Variants in SH3PXD2A observed in about 807,000 individuals in gnomAD.
The protein encoded by SH3PXD2A is SH3 and PX domain-containing protein 2A.
In SH3PXD2A, 32 loss-of-function variants were observed where a neutral mutation model predicts 115.2. The observed-to-expected ratio is 0.28, with a 90% CI of 0.21 to 0.37. SH3PXD2A has a LOEUF of 0.37. SH3PXD2A is among the 10% of genes least tolerant of loss of function. The pLI is 1.00. For missense variants in SH3PXD2A, 1,328 were observed against 1,498.7 expected, an observed-to-expected ratio of 0.89 and a Z score of 1.88; for synonymous variants, 610 against 629.1, an observed-to-expected ratio of 0.97 and a Z score of 0.45.
intron 8 of SH3PXD2A, among the ~76,000 whole-genome samples, chr10:103,633,721 C>A: frequency 1.2e-5 from 1 of 80,542 alleles, no homozygotes. Flanking sequence ...GAGCAAGATT[C>A]TGTCTCAAAA....
chr10:103,767,086 A>T lies in SH3PXD2A; in HGVS notation c.229+8T>A. 1 of 1,611,562 alleles carries T rather than the reference A, an allele frequency of 6.2e-7. No homozygotes were observed. Among genetic ancestry groups the T allele is most frequent in the Non-Finnish European group, 8.5e-7 (1 of 1,177,872 alleles). ...CCCCATCCCTGGGTGGAGCCACCCA[A>T]TGCTTACCTGGGAGGAAGGGGATGA... On this transcript the variant is annotated splice_region_variant and intron_variant, in intron 3 of 14. Coordinates refer to ENST00000369774, the MANE Select transcript of SH3PXD2A (RefSeq NM_001394015.1).
chr10:103,732,719 T>C (rs916562412), intron 4 of SH3PXD2A, among the ~76,000 whole-genome samples: 1 of 152,174 alleles, frequency 6.6e-6, no homozygotes, highest in African/African-American at 2.4e-5. Flanking sequence ...TGAGCCCACA[T>C]TGTCTAGCAG....
At chr10:103,697,877 C>T (rs2134137845) in intron 5 of SH3PXD2A, among the ~76,000 whole-genome samples, 1 of 152,224 alleles carries the variant, frequency 6.6e-6, no homozygotes, top group East Asian at 1.9e-4. Flanking sequence ...TGACACATGG[C>T]TCCCCACACT....
At chr10:103,755,599 G>C (rs2038631192) in intron 3 of SH3PXD2A, among the ~76,000 whole-genome samples, 1 of 152,152 alleles carries the variant, frequency 6.6e-6, no homozygotes, top group African/African-American at 2.4e-5. Flanking sequence ...GGTTTGTCTG[G>C]CTGTAAGTCC....
intron 3 of SH3PXD2A, among the ~76,000 whole-genome samples, chr10:103,737,213 G>A (rs143531589): frequency 6.6e-6 from 1 of 152,176 alleles, no homozygotes; most frequent in African/African-American, 2.4e-5. Flanking sequence ...CCTAAACCAG[G>A]GTCCACCTGG....
At position 103,784,760 on chromosome 10, in the gene SH3PXD2A, G is replaced by A. The variant is rs1361205483; in HGVS notation, c.153+16522C>T. On this transcript the variant is annotated intron_variant, in intron 2 of 14. Coordinates refer to ENST00000369774, the MANE Select transcript of SH3PXD2A (RefSeq NM_001394015.1). This position sits in a 1 kb window ranked among gnomAD's most constrained non-coding sequence, Gnocchi z 4.4. ...GAAAGGGGAGGAGGAGGAGAAGTAAGAAGGAGGAAGGAAGGGGAGAAGGGG... is the reference window on the plus strand; with the variant it reads ...GAAAGGGGAGGAGGAGGAGAAGTAAAAAGGAGGAAGGAAGGGGAGAAGGGG... Among the ~76,000 whole-genome samples, 1 of 151,086 alleles carries A rather than the reference G, an allele frequency of 6.6e-6. No individual in the cohort carries two copies. Among genetic ancestry groups the A allele is most frequent in the Admixed American group, 6.6e-5 (1 of 15,136 alleles).
intron 8 of SH3PXD2A, among the ~76,000 whole-genome samples, chr10:103,630,515 G>A (rs912855182): frequency 3.9e-5 from 6 of 152,158 alleles, no homozygotes; most frequent in Admixed American, 2.6e-4. Context: ...AGGAGCAAAC[G>A]TGGGTGCTTT....
At chr10:103,677,868 G>A (rs2037559596) in intron 6 of SH3PXD2A, among the ~76,000 whole-genome samples, 1 of 152,098 alleles carries the variant, frequency 6.6e-6, no homozygotes, top group African/African-American at 2.4e-5. Flanking sequence ...CTGAGGCCCG[G>A]CTACCCCACT....
chr10:103,686,578 T>C (rs913617787), intron 6 of SH3PXD2A, among the ~76,000 whole-genome samples: 1 of 151,816 alleles, frequency 6.6e-6, no homozygotes, highest in Non-Finnish European at 1.5e-5. Context: ...ACAAAACCCC[T>C]CAAAGGGCAT....
At chr10:103,656,383 G>T (rs1408830089) in intron 8 of SH3PXD2A, among the ~76,000 whole-genome samples, 1 of 152,260 alleles carries the variant, frequency 6.6e-6, no homozygotes, top group Non-Finnish European at 1.5e-5. Flanking sequence ...CAGAGAACCA[G>T]AGGTCAAACT....
intron 2 of SH3PXD2A, among the ~76,000 whole-genome samples, chr10:103,769,171 T>TGC (rs1347115026): frequency 1.9e-5 from 2 of 105,276 alleles, no homozygotes; most frequent in African/African-American, 9.7e-5. Context: ...TGTGTGTGTG[T>TGC]GTGTGTGTGT....
At chr10:103,838,946 A>C (rs1350843901) in intron 1 of SH3PXD2A, among the ~76,000 whole-genome samples, 2 of 152,228 alleles carry the variant, frequency 1.3e-5, no homozygotes, top group African/African-American at 2.4e-5. Context: ...GGAAGAGGCC[A>C]AAATGAGCTG....
intron 8 of SH3PXD2A, among the ~76,000 whole-genome samples, chr10:103,657,822 C>T (rs1265678379): frequency 6.6e-6 from 1 of 152,166 alleles, no homozygotes; most frequent in Non-Finnish European, 1.5e-5. Flanking sequence ...GACAACCTTC[C>T]CCACAGATGT....
chr10:103,715,016 A>G (rs910714270), intron 5 of SH3PXD2A, among the ~76,000 whole-genome samples: 9 of 152,342 alleles, frequency 5.9e-5, no homozygotes, highest in Non-Finnish European at 1.2e-4. Context: ...CAGGACTCCC[A>G]GAGCAGAGAG....
rs762231638 is a variant in SH3PXD2A at position 103,602,172 on chromosome 10, A to C, written c.3046T>G (p.Ser1016Ala). 1.3e-6 allele frequency: 2 copies of C among 1,574,880 alleles called. No individual in the cohort carries two copies. The highest frequency in any genetic ancestry group is 1.2e-5 in the South Asian group (1 of 84,002). The change falls in exon 15 of 15, where the codon TCC becomes GCC. Residue 1016 changes from serine to alanine, a missense_variant. This residue lies in a region of SH3PXD2A where 574 missense variants were observed against 565.7 expected (regional missense o/e 1.01). Coordinates refer to ENST00000369774, the MANE Select transcript of SH3PXD2A (RefSeq NM_001394015.1). Reference sequence around the variant, plus strand: ...GCGGAGCGAGCAGTGCTAAAGGAGGAGTTCCGTCGGACGCCTCGGAGGCCA... The same window carrying C: ...GCGGAGCGAGCAGTGCTAAAGGAGGCGTTCCGTCGGACGCCTCGGAGGCCA... ...TDGLRGVRRN[S>A]SFSTARSAAA...
At position 103,784,252 on chromosome 10, in the gene SH3PXD2A, G is replaced by A. The variant is rs1043103488; in HGVS notation, c.153+17030C>T. 6.6e-6 allele frequency among the ~76,000 whole-genome samples: 1 copy of A among 152,220 alleles called. No homozygotes were observed. Among genetic ancestry groups the A allele is most frequent in the Non-Finnish European group, 1.5e-5 (1 of 68,042 alleles). ...CCTCCCTGGACTTCAGACCCCAAGA[G>A]GTCACAGAAGCAGGGGTCGCCCAAG... On this transcript the variant is annotated intron_variant, in intron 2 of 14. Coordinates refer to ENST00000369774, the MANE Select transcript of SH3PXD2A (RefSeq NM_001394015.1). The surrounding 1 kb of genome is among the most constrained non-coding windows in gnomAD (Gnocchi z 4.4).
chr10:103,837,350 A>G (rs1167887666), intron 1 of SH3PXD2A, among the ~76,000 whole-genome samples: 1 of 152,186 alleles, frequency 6.6e-6, no homozygotes, highest in East Asian at 1.9e-4. Flanking sequence ...ACTTGCTAGC[A>G]GGAGAAGTTT....
chr10:103,753,069 G>A (rs2038596944), intron 3 of SH3PXD2A, among the ~76,000 whole-genome samples: 2 of 151,988 alleles, frequency 1.3e-5, no homozygotes, highest in South Asian at 2.1e-4. Context: ...AAGGTTTAAA[G>A]ATAATGCAAA....
chr10:103,686,936 CG>C lies in SH3PXD2A; in HGVS notation c.427+6091del, dbSNP rs1460430366. On this transcript the variant is annotated intron_variant, in intron 6 of 14. Coordinates refer to ENST00000369774, the MANE Select transcript of SH3PXD2A (RefSeq NM_001394015.1). ...TAATTTTTTGTATTTTTAGTAGAGA[CG>C]GGGTTTTGCCATGTTGGCCAGGCTG... 4.6e-5 allele frequency among the ~76,000 whole-genome samples: 7 copies of C among 151,898 alleles called. No homozygotes were observed. The East Asian group carries it at 9.7e-4, about 21-fold the overall frequency.
Sources: allele counts gnomAD v4.1 joint callset (sites outside exome capture counted in the v4.1 genomes callset), GRCh38; gene constraint gnomAD v4.1.1; regional missense constraint gnomAD v4.1.1; non-coding constraint Gnocchi (gnomAD v3.1); transcripts MANE v1.5; gene names NCBI Gene and HGNC (gene_info 2026-07-23, HGNC 2026-07-21).